The following RALY variants were observed in gnomAD, a reference collection of about 807,000 sequenced individuals.
RALY encodes RALY heterogeneous nuclear ribonucleoprotein.
A neutral mutation model predicts 30.7 loss-of-function variants in RALY; 15 were observed. That is an observed-to-expected ratio of 0.49 (90% confidence interval 0.33 to 0.75). The LOEUF (loss-of-function observed/expected upper bound fraction) is 0.75. RALY is among the 30% of genes least tolerant of loss of function. The pLI is 0.02. For synonymous variants in RALY, 177 were observed against 170.8 expected (o/e 1.04, Z -0.28); for missense variants, 339 against 414.3 (o/e 0.82, Z 1.58).
At chr20:34,053,242 G>C (rs963315210) in intron 2 of RALY, among the ~76,000 whole-genome samples, 3 of 152,000 alleles carry the variant, frequency 2.0e-5, no homozygotes, top group African/African-American at 4.8e-5. Flanking sequence ...CCGTGACATA[G>C]AGGTTCTTTT....
At position 34,077,411 on chromosome 20, in the gene RALY, G is replaced by T. The variant is rs2033924021; in HGVS notation, c.876+166G>T. On this transcript the variant is annotated intron_variant, in intron 8 of 9. Coordinates refer to ENST00000246194, the MANE Select transcript of RALY (RefSeq NM_016732.3). ...GGAAAGAGGGAAGAATGAGCAGGGGGCACTTGCCTATCTCAGACACCATCA... is the reference window on the plus strand; with the variant it reads ...GGAAAGAGGGAAGAATGAGCAGGGGTCACTTGCCTATCTCAGACACCATCA... 4 of 1,455,440 alleles carry T rather than the reference G, an allele frequency of 2.7e-6. No homozygotes were observed. The East Asian group carries it at 7.4e-5, about 27-fold the overall frequency. 90.2% of individuals were successfully genotyped at this position (1,455,440 alleles called of 1,614,324 possible).
intron 2 of RALY, among the ~76,000 whole-genome samples, chr20:34,057,567 T>C (rs983456721): frequency 6.7e-6 from 1 of 148,862 alleles, no homozygotes; most frequent in Non-Finnish European, 1.5e-5. Flanking sequence ...CTCTGGAGGC[T>C]GAGGCAGGAG....
intron 1 of RALY, among the ~76,000 whole-genome samples, chr20:34,015,335 C>T (rs1231997952): frequency 3.3e-5 from 5 of 150,890 alleles, no homozygotes; most frequent in African/African-American, 1.2e-4. Context: ...ATATTTCCCC[C>T]TTTTTTTTTA....
chr20:34,011,349 C>CG (rs1457391004), intron 1 of RALY, among the ~76,000 whole-genome samples: 3 of 152,166 alleles, frequency 2.0e-5, no homozygotes, highest in African/African-American at 7.2e-5. Flanking sequence ...AGCTAGAAAT[C>CG]TAATTTTTTT....
chr20:34,077,428 ACAC>A lies in RALY; in HGVS notation c.876+186_876+188del. The A allele has an allele frequency of 2.2e-6, 3 of 1,375,270 alleles. No homozygotes were observed. The South Asian group carries it at 4.3e-5, about 20-fold the overall frequency. 85.2% of individuals were successfully genotyped at this position (1,375,270 alleles called of 1,614,324 possible). On this transcript the variant is annotated intron_variant, in intron 8 of 9. Transcript: ENST00000246194. The stretch of plus-strand genomic sequence containing the variant: ...AGCAGGGGGCACTTGCCTATCTCAG[ACAC>A]CATCAGAAGTCCCACTGAGGCCTAG...
intron 6 of RALY, 107 bp downstream of exon 6, chr20:34,076,147 C>G (rs1333163792): frequency 7.5e-7 from 1 of 1,327,448 alleles, no homozygotes; most frequent in Non-Finnish European, 1.0e-6. Flanking sequence ...AAGTCTTCCA[C>G]AGTTCTGCTG....
intron 5 of RALY, among the ~76,000 whole-genome samples, chr20:34,075,471 C>T (rs999390234): frequency 6.6e-6 from 1 of 151,922 alleles, no homozygotes; most frequent in Non-Finnish European, 1.5e-5. Context: ...CTATTCCTAG[C>T]TGGGGATTTG....
chr20:33,999,710 C>T (rs973489856), intron 1 of RALY, among the ~76,000 whole-genome samples: 3 of 152,124 alleles, frequency 2.0e-5, no homozygotes, highest in African/African-American at 7.2e-5. Context: ...GGGCAGAAGT[C>T]TCAGTAGCTT....
intron 2 of RALY, among the ~76,000 whole-genome samples, chr20:34,036,954 T>C (rs1451390135): frequency 6.6e-6 from 1 of 152,198 alleles, no homozygotes; most frequent in Admixed American, 6.5e-5. Context: ...TTATTTTGTT[T>C]ATTGTTTTTA....
At chr20:34,024,053 G>A (rs2031928711) in intron 1 of RALY, among the ~76,000 whole-genome samples, 1 of 151,790 alleles carries the variant, frequency 6.6e-6, no homozygotes, top group South Asian at 2.1e-4. Flanking sequence ...GGCCTGATTG[G>A]GAATAAGGAG....
At chr20:34,005,783 C>T (rs539465089) in intron 1 of RALY, among the ~76,000 whole-genome samples, 1 of 152,304 alleles carries the variant, frequency 6.6e-6, no homozygotes, top group African/African-American at 2.4e-5. Context: ...CGTGGGCAAC[C>T]ACTGGTCTTT....
chr20:34,028,587 C>G (rs1419866601), intron 1 of RALY, among the ~76,000 whole-genome samples: 1 of 151,226 alleles, frequency 6.6e-6, no homozygotes, highest in Non-Finnish European at 1.5e-5. Flanking sequence ...ACCTGTAGTC[C>G]CAGCTACTCA....
In RALY at chr20:34,079,444, G is replaced by A. The variant is rs2033984005; in HGVS notation, c.*5-466G>A. On this transcript the variant is annotated intron_variant, in intron 9 of 9. Coordinates refer to ENST00000246194, the MANE Select transcript of RALY (RefSeq NM_016732.3). ...CTGACCCATTCCCTTGGGGTGGCTT[G>A]GGTGGAGGAAGGTCTCAAACACTAG... Among the ~76,000 whole-genome samples the A allele has an allele frequency of 2.0e-5, 3 of 152,308 alleles. No individual in the cohort carries two copies. In the South Asian group the frequency reaches 6.2e-4, roughly 32 times the overall value.
At chr20:34,029,526 A>T (rs1472606609) in intron 1 of RALY, among the ~76,000 whole-genome samples, 2 of 68,008 alleles carry the variant, frequency 2.9e-5, no homozygotes, top group Non-Finnish European at 5.3e-5. Context: ...ATTTGGATGT[A>T]GAACTCTTAG....
intron 1 of RALY, among the ~76,000 whole-genome samples, chr20:33,994,862 A>G (rs1386168577): frequency 6.6e-6 from 1 of 152,088 alleles, no homozygotes; most frequent in Non-Finnish European, 1.5e-5. Flanking sequence ...TTCACCCAGG[A>G]ACTTCCCAAG....
Position 34,068,418 on chromosome 20 carries a change from A to G in RALY, c.-9-3648A>G, listed in dbSNP as rs371057862. Among the ~76,000 whole-genome samples the G allele has an allele frequency of 9.2e-5, 14 of 152,298 alleles. 1 individual carries two copies. The highest frequency in any genetic ancestry group is 3.1e-4 in the African/African-American group (13 of 41,564). Reference sequence around the variant, plus strand: ...TTTGGTTGAAAGATTAGAAAATGGTATCTGGGACCTCTGCCCTAGTGGTCC... The same window carrying G: ...TTTGGTTGAAAGATTAGAAAATGGTGTCTGGGACCTCTGCCCTAGTGGTCC... On this transcript the variant is annotated intron_variant, in intron 2 of 9. Coordinates refer to ENST00000246194, the MANE Select transcript of RALY (RefSeq NM_016732.3).
chr20:34,035,374 A>G (rs1017259485), intron 2 of RALY, among the ~76,000 whole-genome samples: 2 of 152,134 alleles, frequency 1.3e-5, no homozygotes, highest in Non-Finnish European at 2.9e-5. Flanking sequence ...TGAATGCTCT[A>G]CATAAATATA....
chr20:33,999,054 T>G (rs1319727559), intron 1 of RALY, among the ~76,000 whole-genome samples: 1 of 142,274 alleles, frequency 7.0e-6, no homozygotes, highest in African/African-American at 2.7e-5. Flanking sequence ...CACTTGAACC[T>G]GGGAGGTGGA....
chr20:34,078,489 A>G lies in RALY; in HGVS notation c.877-16A>G, dbSNP rs1262516663. The G allele has an allele frequency of 1.3e-6, 2 of 1,573,780 alleles. No individual in the cohort carries two copies. The highest frequency in any genetic ancestry group is 1.7e-6 in the Non-Finnish European group (2 of 1,160,488). On this transcript the variant is annotated splice_polypyrimidine_tract_variant and intron_variant, in intron 8 of 9. Coordinates refer to ENST00000246194, the MANE Select transcript of RALY (RefSeq NM_016732.3). ...CAATGAGTGATGTGTGGTCTCTCTT[A>G]CCTCCTCCCTATCAGGAACACAGCC...
Sources: gnomAD v4.1 joint callset for allele counts (sites outside exome capture counted in the v4.1 genomes callset) on GRCh38, gnomAD v4.1.1 for gene constraint, MANE v1.5 for transcripts, NCBI Gene and HGNC (gene_info 2026-07-23, HGNC 2026-07-21) for gene names.